Variants in ADAM23 observed in about 807,000 individuals in gnomAD.
The protein encoded by ADAM23 is ADAM metallopeptidase domain 23.
Under a neutral mutation model 120.1 loss-of-function variants are expected in ADAM23, and 33 were observed. That is an observed-to-expected ratio of 0.27 (90% confidence interval 0.21 to 0.37). The LOEUF (loss-of-function observed/expected upper bound fraction) is 0.37. Ranked by LOEUF, ADAM23 falls within the 10% of genes least tolerant of loss-of-function variation. ADAM23 has a pLI of 1.00. For missense variants in ADAM23, 862 were observed against 1,058.2 expected (o/e 0.81, Z 2.57); for synonymous variants, 367 against 375.2 (o/e 0.98, Z 0.25).
intron 3 of ADAM23, among the ~76,000 whole-genome samples, chr2:206,508,241 G>A (rs1003490165): frequency 4.6e-5 from 7 of 152,152 alleles, no homozygotes; most frequent in African/African-American, 7.2e-5. Context: ...GTGTTAGCCA[G>A]GATGGTCTTG....
At chr2:206,464,103 T>C (rs1003775853) in intron 2 of ADAM23, among the ~76,000 whole-genome samples, 1 of 152,216 alleles carries the variant, frequency 6.6e-6, no homozygotes, top group Non-Finnish European at 1.5e-5. Context: ...TTTAAACCTG[T>C]AGTTTAATTT....
chr2:206,526,371 A>G (rs537401867), intron 3 of ADAM23, among the ~76,000 whole-genome samples: 11 of 152,324 alleles, frequency 7.2e-5, no homozygotes, highest in South Asian at 4.1e-4. Context: ...AGTTTAGACA[A>G]TGTTTCAGTG....
At chr2:206,506,683 C>T (rs988594201) in intron 3 of ADAM23, among the ~76,000 whole-genome samples, 1 of 152,110 alleles carries the variant, frequency 6.6e-6, no homozygotes, top group African/African-American at 2.4e-5. Flanking sequence ...GATTGCAGAT[C>T]TAGTCTGTTT....
At chr2:206,605,915 G>A (rs1299373616) in intron 24 of ADAM23, 5 of 638,508 alleles carry the variant, frequency 7.8e-6, no homozygotes, top group Admixed American at 5.6e-5. Context: ...GTGTTTCTGT[G>A]TGGTGCCTGA....
At chr2:206,593,856 A>G (rs72956640) in intron 22 of ADAM23, among the ~76,000 whole-genome samples, 1,686 of 152,104 alleles carry the variant, frequency 0.011, 20 homozygotes, top group Non-Finnish European at 0.019. Context: ...ACTAAAACAC[A>G]TGAAATAATC....
At chr2:206,602,887 A>G (rs183110909) in intron 24 of ADAM23, among the ~76,000 whole-genome samples, 61 of 152,320 alleles carry the variant, frequency 4.0e-4, no homozygotes, top group Admixed American at 2.5e-3. Context: ...AAGTAATGGA[A>G]ATAAGCAAGT....
intron 2 of ADAM23, among the ~76,000 whole-genome samples, chr2:206,463,826 C>T (rs920893553): frequency 4.6e-5 from 7 of 152,320 alleles, no homozygotes; most frequent in South Asian, 4.1e-4. Flanking sequence ...GACTGTATTA[C>T]GTGAATTGTG....
At chr2:206,566,852 C>CAAAA (rs66674359) in intron 14 of ADAM23, among the ~76,000 whole-genome samples, 1 of 144,656 alleles carries the variant, frequency 6.9e-6, no homozygotes, top group Non-Finnish European at 1.5e-5. Flanking sequence ...AAAACAGAGG[C>CAAAA]AAAAAAAAAA....
intron 6 of ADAM23, among the ~76,000 whole-genome samples, chr2:206,544,883 G>A (rs1697364352): frequency 1.3e-5 from 2 of 152,126 alleles, no homozygotes; most frequent in Admixed American, 1.3e-4. Context: ...GAGAAGACAA[G>A]TGGTGAATGA....
chr2:206,577,483 G>C (rs1257263617), intron 18 of ADAM23, among the ~76,000 whole-genome samples: 4 of 139,160 alleles, frequency 2.9e-5, no homozygotes, highest in Non-Finnish European at 6.1e-5. Flanking sequence ...TCATTGTTCA[G>C]TTCCCACCTA....
chr2:206,478,408 G>T (rs1695827111), intron 2 of ADAM23, among the ~76,000 whole-genome samples: 1 of 149,186 alleles, frequency 6.7e-6, no homozygotes, highest in African/African-American at 2.5e-5. Context: ...ATAAAATCAG[G>T]TTTTTTTTTT....
intron 4 of ADAM23, among the ~76,000 whole-genome samples, chr2:206,537,329 C>G (rs139592646): frequency 2.0e-5 from 3 of 152,142 alleles, no homozygotes; most frequent in African/African-American, 7.2e-5. Context: ...TGGAGTAGGT[C>G]TCTGTGCGCG....
At chr2:206,592,464 G>A (rs941237766) in intron 21 of ADAM23, among the ~76,000 whole-genome samples, 153 bp from the exon 22 acceptor site, 8 of 152,148 alleles carry the variant, frequency 5.3e-5, no homozygotes, top group Non-Finnish European at 1.2e-4. Context: ...AGAAGGAGGA[G>A]GTTATCACCT....
rs1574517657 is a variant in ADAM23 at position 206,533,176 on chromosome 2, T to TC, written c.573+2232dup. On this transcript the variant is annotated intron_variant, in intron 4 of 25. Coordinates refer to ENST00000264377, the MANE Select transcript of ADAM23 (RefSeq NM_003812.4). ...TATTTTCACATAATGCAGCCTTTTT[T>TC]CCCCTAAAGATCTCAAATTGTTTTT... is the stretch of plus-strand genomic sequence containing the variant. 2.6e-5 allele frequency among the ~76,000 whole-genome samples: 4 copies of TC among 152,236 alleles called. 1 individual carries two copies. The East Asian group carries it at 7.7e-4, about 29-fold the overall frequency.
chr2:206,603,903 A>T (rs1476147305), intron 24 of ADAM23, among the ~76,000 whole-genome samples: 3 of 152,072 alleles, frequency 2.0e-5, no homozygotes, highest in Non-Finnish European at 4.4e-5. Flanking sequence ...TAAAAATTGC[A>T]GAAGTCATAG....
chr2:206,456,371 T>G (rs1451213533), intron 2 of ADAM23, among the ~76,000 whole-genome samples: 1 of 151,746 alleles, frequency 6.6e-6, no homozygotes, highest in Non-Finnish European at 1.5e-5. Flanking sequence ...ACCAGGACCC[T>G]CCTCTAAAAC....
At chr2:206,540,059 G>A (rs1697258463) in intron 4 of ADAM23, among the ~76,000 whole-genome samples, 1 of 152,136 alleles carries the variant, frequency 6.6e-6, no homozygotes, top group Non-Finnish European at 1.5e-5. Flanking sequence ...GTGCATGCCT[G>A]TAATCCCAGC....
At chr2:206,612,647 A>C (rs911578807) in intron 25 of ADAM23, among the ~76,000 whole-genome samples, 2 of 152,210 alleles carry the variant, frequency 1.3e-5, no homozygotes, top group Non-Finnish European at 1.5e-5. Flanking sequence ...TAGATGTAGA[A>C]GTATCATACT....
intron 18 of ADAM23, among the ~76,000 whole-genome samples, chr2:206,575,504 T>G (rs2105834832): frequency 6.6e-6 from 1 of 152,290 alleles, no homozygotes; most frequent in East Asian, 1.9e-4. Context: ...AAAAGAGTGT[T>G]TCTTGTTCAG....
Sources: gnomAD v4.1 joint callset for allele counts (sites outside exome capture counted in the v4.1 genomes callset) on GRCh38, gnomAD v4.1.1 for gene constraint, MANE v1.5 for transcripts, NCBI Gene and HGNC (gene_info 2026-07-23, HGNC 2026-07-21) for gene names.